The following TRAPPC9 variants were observed in gnomAD, a reference collection of about 807,000 sequenced individuals.
TRAPPC9 encodes trafficking protein particle complex subunit 9, also known as IKK2 binding protein.
In TRAPPC9, 83 loss-of-function variants were observed where a neutral mutation model predicts 124.0. That is an observed-to-expected ratio of 0.67 (90% CI 0.56 to 0.80). The LOEUF is 0.80. Among genes scored for constraint, TRAPPC9 ranks in the 30% least tolerant of loss-of-function variants. TRAPPC9 has a pLI of 0.00. For missense variants in TRAPPC9, 1,302 were observed against 1,508.3 expected (o/e 0.86, Z 2.27); for synonymous variants, 638 against 617.5 (o/e 1.03, Z -0.49).
In TRAPPC9 at chr8:139,730,000, A is replaced by G. The variant is rs1432584411; in HGVS notation, c.*1061T>C. On this transcript the variant is annotated 3_prime_UTR_variant, in exon 23 of 23. Transcript: ENST00000438773. ...AACAGGACTCTTGTGGGTAGTGTAG[A>G]CACACCCCAGCTCTGGCCCTCAAGG... Among the ~76,000 whole-genome samples, 4 of 152,136 alleles carry G rather than the reference A, an allele frequency of 2.6e-5. No homozygotes were observed. Among genetic ancestry groups the G allele is most frequent in the Non-Finnish European group, 5.9e-5 (4 of 68,010 alleles).
intron 19 of TRAPPC9, among the ~76,000 whole-genome samples, chr8:139,941,713 C>T (rs955529235): frequency 4.6e-5 from 7 of 152,182 alleles, no homozygotes; most frequent in African/African-American, 7.2e-5. Flanking sequence ...CTCCCAAACA[C>T]GACAAATGCA....
chr8:140,451,149 G>A lies in TRAPPC9; in HGVS notation c.225C>T (p.Arg75=), dbSNP rs1226483323. 6.2e-7 allele frequency: 1 copy of A among 1,614,110 alleles called. No homozygotes were observed. Among genetic ancestry groups the A allele is most frequent in the Non-Finnish European group, 8.5e-7 (1 of 1,180,006 alleles). ...TGATGGTGATGAGGCCCACGACTTT[G>A]CGGTGGGTCTGGAAGTCACCCCACT... ...NNEWGDFQTH[R]KVVGLITITD... The change falls in exon 2 of 23, where the codon CGC becomes CGT. Residue 75 remains arginine (R), a synonymous_variant. Transcript: ENST00000438773.
chr8:139,839,329 C>T (rs1057325883), intron 21 of TRAPPC9, among the ~76,000 whole-genome samples: 1 of 152,190 alleles, frequency 6.6e-6, no homozygotes, highest in Non-Finnish European at 1.5e-5. Context: ...GGGGGCTGGG[C>T]AGTGAATGCA....
At chr8:140,061,040 G>C (rs979442898) in intron 17 of TRAPPC9, among the ~76,000 whole-genome samples, 1 of 152,200 alleles carries the variant, frequency 6.6e-6, no homozygotes, top group East Asian at 1.9e-4. Context: ...CCCCACCTCC[G>C]ATGATGATTC....
chr8:140,443,297 G>T (rs10104590), intron 2 of TRAPPC9, among the ~76,000 whole-genome samples: 1 of 150,170 alleles, frequency 6.7e-6, no homozygotes, highest in Non-Finnish European at 1.5e-5. Context: ...TTAGCCAGGC[G>T]TGGTGGTGGG....
At chr8:139,741,450 G>T (rs578085291) in intron 21 of TRAPPC9, among the ~76,000 whole-genome samples, 2 of 152,108 alleles carry the variant, frequency 1.3e-5, no homozygotes, top group Non-Finnish European at 2.9e-5. Flanking sequence ...GCCCCCACTG[G>T]ATTCCTGGGC....
rs1184247581 is a variant in TRAPPC9 at position 140,356,620 on chromosome 8, C to CT, written c.1495+3429dup. Reference sequence around the variant, plus strand: ...ATGTGTTCCTTGTAAAAAGAATGTGCTTTTTTTTTTTTTTTGAGCTGGAGT... The same window carrying CT: ...ATGTGTTCCTTGTAAAAAGAATGTGCTTTTTTTTTTTTTTTTGAGCTGGAGT... On this transcript the variant is annotated intron_variant, in intron 9 of 22. Transcript: ENST00000438773. Among the ~76,000 whole-genome samples the CT allele has an allele frequency of 8.2e-3, 1,166 of 142,004 alleles. 11 individuals carry two copies. The highest frequency in any genetic ancestry group is 0.025 in the African/African-American group (965 of 38,772). 93.2% of individuals were successfully genotyped at this position (142,004 alleles called of 152,430 possible). A position where few individuals can be genotyped will look rare whatever the true frequency, so the allele number is the denominator to read the frequency against.
At chr8:140,173,602 A>G (rs542226770) in intron 17 of TRAPPC9, among the ~76,000 whole-genome samples, 123 of 151,772 alleles carry the variant, frequency 8.1e-4, no homozygotes, top group Middle Eastern at 3.4e-3. Flanking sequence ...TCAGTGTCAC[A>G]TGAAACTTGG....
At chr8:140,024,110 A>T (rs368319338) in intron 17 of TRAPPC9, 31 bp from the exon 18 acceptor site, 43 of 1,610,304 alleles carry the variant, frequency 2.7e-5, no homozygotes, top group African/African-American at 4.0e-5. Context: ...AAATACACAC[A>T]CACACATTAG....
intron 19 of TRAPPC9, among the ~76,000 whole-genome samples, chr8:139,930,716 C>A (rs1411779656): frequency 6.6e-6 from 1 of 152,204 alleles, no homozygotes; most frequent in South Asian, 2.1e-4. Flanking sequence ...ATCCTAGTAA[C>A]CGGCCTTCCA....
At chr8:139,852,414 C>T (rs1827541144) in intron 21 of TRAPPC9, among the ~76,000 whole-genome samples, 3 of 152,174 alleles carry the variant, frequency 2.0e-5, no homozygotes, top group Admixed American at 2.0e-4. Flanking sequence ...TGATGCCCGC[C>T]TTCCCCACTG....
chr8:140,252,687 C>A lies in TRAPPC9; in HGVS notation c.2431+90G>T. 1 of 1,497,622 alleles carries A rather than the reference C, an allele frequency of 6.7e-7. No homozygotes were observed. The highest frequency in any genetic ancestry group is 9.2e-7 in the Non-Finnish European group (1 of 1,087,306). 92.8% of individuals were successfully genotyped at this position (1,497,622 alleles called of 1,614,324 possible). The stretch of plus-strand genomic sequence containing the variant: ...GAGTTAATGAATGACAAGTGAGTTA[C>A]AAACAGCAAACAGCAGGCATCAAGG... On this transcript the variant is annotated intron_variant, in intron 16 of 22. Coordinates refer to ENST00000438773, the MANE Select transcript of TRAPPC9 (RefSeq NM_001160372.4). The surrounding 1 kb of genome is among the most constrained non-coding windows in gnomAD (Gnocchi z 4.2).
intron 21 of TRAPPC9, among the ~76,000 whole-genome samples, chr8:139,751,734 C>T (rs1435145345): frequency 6.6e-6 from 1 of 151,876 alleles, no homozygotes; most frequent in Non-Finnish European, 1.5e-5. Flanking sequence ...ATCCAGCATC[C>T]ATCCATCCAT....
intron 17 of TRAPPC9, among the ~76,000 whole-genome samples, chr8:140,126,406 C>T (rs541837198): frequency 3.3e-5 from 5 of 152,150 alleles, no homozygotes; most frequent in Non-Finnish European, 7.3e-5. Context: ...GAATCAGCCC[C>T]CCAGTCCCAT....
chr8:140,340,518 T>C (rs1416114644), intron 9 of TRAPPC9, among the ~76,000 whole-genome samples: 1 of 152,232 alleles, frequency 6.6e-6, no homozygotes, highest in Non-Finnish European at 1.5e-5. Flanking sequence ...AATCCCACTG[T>C]GGCAGGCACA....
intron 21 of TRAPPC9, among the ~76,000 whole-genome samples, chr8:139,795,041 C>T (rs555181148): frequency 6.6e-6 from 1 of 152,314 alleles, no homozygotes; most frequent in African/African-American, 2.4e-5. Flanking sequence ...TATTTCTCAT[C>T]CCTTAGCTTG....
intron 17 of TRAPPC9, among the ~76,000 whole-genome samples, chr8:140,118,628 C>T (rs187114642): frequency 6.6e-6 from 1 of 152,338 alleles, no homozygotes; most frequent in Non-Finnish European, 1.5e-5. Context: ...GAAGATGCCT[C>T]CACCTGCGGG....
intron 17 of TRAPPC9, among the ~76,000 whole-genome samples, chr8:140,125,049 C>T (rs1203216878): frequency 1.3e-5 from 2 of 152,226 alleles, no homozygotes; most frequent in African/African-American, 4.8e-5. Flanking sequence ...CTGCTCTTCA[C>T]ATTCTTCAAA....
At chr8:139,807,960 G>T (rs1386879486) in intron 21 of TRAPPC9, among the ~76,000 whole-genome samples, 2 of 152,148 alleles carry the variant, frequency 1.3e-5, no homozygotes, top group Non-Finnish European at 2.9e-5. Flanking sequence ...GGGCATTCGG[G>T]TGTGGGGGCA....
Sources: allele counts gnomAD v4.1 joint callset (sites outside exome capture counted in the v4.1 genomes callset), GRCh38; gene constraint gnomAD v4.1.1; non-coding constraint Gnocchi (gnomAD v3.1); transcripts MANE v1.5; gene names NCBI Gene and HGNC (gene_info 2026-07-23, HGNC 2026-07-21).